The following PEX14 variants were observed in gnomAD, a reference collection of about 807,000 sequenced individuals.
PEX14 encodes peroxisomal membrane protein PEX14.
Under a neutral mutation model 49.5 loss-of-function variants are expected in PEX14, and 15 were observed. That is an observed-to-expected ratio of 0.30 (90% CI 0.20 to 0.47). The LOEUF is 0.47. PEX14 is among the 20% of genes least tolerant of loss of function. The pLI is 1.00. For synonymous variants in PEX14, 210 were observed against 212.7 expected (o/e 0.99, Z 0.11); for missense variants, 398 against 494.8 (o/e 0.80, Z 1.86).
chr1:10,491,091 ACTC>A (rs1641463039), intron 1 of PEX14, among the ~76,000 whole-genome samples: 1 of 146,602 alleles, frequency 6.8e-6, no homozygotes, highest in South Asian at 2.2e-4. Context: ...CTGGTCTTGA[ACTC>A]CTGACCAGGT....
chr1:10,511,005 T>A (rs1459086269), intron 2 of PEX14, among the ~76,000 whole-genome samples: 1 of 152,030 alleles, frequency 6.6e-6, no homozygotes, highest in Non-Finnish European at 1.5e-5. Context: ...GTAAAGACAA[T>A]GCTCACTCCC....
At chr1:10,601,046 G>C (rs1039060056) in intron 4 of PEX14, among the ~76,000 whole-genome samples, 9 of 152,188 alleles carry the variant, frequency 5.9e-5, no homozygotes, top group African/African-American at 2.2e-4. Flanking sequence ...CGGATCACTT[G>C]AGGTCAGGAG....
At chr1:10,570,006 C>T (rs1040279068) in intron 3 of PEX14, among the ~76,000 whole-genome samples, 2 of 151,916 alleles carry the variant, frequency 1.3e-5, no homozygotes, top group African/African-American at 2.4e-5. Context: ...TTTTTTAGAA[C>T]CTCGATAGTT....
chr1:10,475,095 T>G, intron 1 of PEX14, 93 bp downstream of exon 1: 1 of 1,272,160 alleles, frequency 7.9e-7, no homozygotes, highest in South Asian at 1.3e-5. Context: ...GGACCCCGAG[T>G]CTCCGAAGCT....
At chr1:10,549,253 G>C (rs1639266831) in intron 3 of PEX14, among the ~76,000 whole-genome samples, 1 of 152,168 alleles carries the variant, frequency 6.6e-6, no homozygotes, top group African/African-American at 2.4e-5. Context: ...GCTTTAAGCT[G>C]TAAGAAAAAT....
At chr1:10,554,186 C>T (rs1639418180) in intron 3 of PEX14, among the ~76,000 whole-genome samples, 1 of 151,240 alleles carries the variant, frequency 6.6e-6, no homozygotes, top group African/African-American at 2.4e-5. Context: ...CACCTGCAGT[C>T]CCAGCTACTT....
intron 1 of PEX14, among the ~76,000 whole-genome samples, chr1:10,487,735 G>A (rs1007158227): frequency 1.3e-5 from 2 of 151,252 alleles, no homozygotes; most frequent in Non-Finnish European, 2.9e-5. Flanking sequence ...TGCCCACCTC[G>A]GCCTCCCAAA....
At chr1:10,488,555 A>G (rs1056944422) in intron 1 of PEX14, among the ~76,000 whole-genome samples, 9 of 151,642 alleles carry the variant, frequency 5.9e-5, no homozygotes, top group African/African-American at 2.2e-4. Context: ...GCTGGAGTGC[A>G]GTGGCGTGAC....
intron 3 of PEX14, among the ~76,000 whole-genome samples, chr1:10,555,824 G>A (rs532822591): frequency 3.3e-5 from 5 of 152,282 alleles, no homozygotes; most frequent in East Asian, 3.9e-4. Flanking sequence ...ACCTGTGGCC[G>A]GGCGTTGCAT....
intron 3 of PEX14, among the ~76,000 whole-genome samples, chr1:10,541,416 A>G (rs1639007809): frequency 6.6e-6 from 1 of 152,244 alleles, no homozygotes; most frequent in South Asian, 2.1e-4. Context: ...CGCCTGCAGC[A>G]GCGTGGCATC....
chr1:10,622,450 G>C (rs149626567), intron 5 of PEX14, among the ~76,000 whole-genome samples: 4 of 152,294 alleles, frequency 2.6e-5, no homozygotes, highest in African/African-American at 9.6e-5. Context: ...GTTATCCCCT[G>C]GCGAGAGAAC....
At chr1:10,537,736 T>G (rs1638861107) in intron 3 of PEX14, among the ~76,000 whole-genome samples, 1 of 152,104 alleles carries the variant, frequency 6.6e-6, no homozygotes, top group Non-Finnish European at 1.5e-5. Flanking sequence ...TAGAGACAAA[T>G]GTCTCTGGTG....
chr1:10,595,298 C>T (rs775122069), intron 3 of PEX14, among the ~76,000 whole-genome samples: 2 of 152,152 alleles, frequency 1.3e-5, no homozygotes, highest in Non-Finnish European at 2.9e-5. Flanking sequence ...CAGAGTCAGC[C>T]CAGACCCTCT....
chr1:10,626,858 A>T (rs1312181062), intron 7 of PEX14, among the ~76,000 whole-genome samples: 1 of 152,204 alleles, frequency 6.6e-6, no homozygotes, highest in Non-Finnish European at 1.5e-5. Flanking sequence ...TTTGGAAAAC[A>T]GTGTTACCTT....
At chr1:10,587,546 G>A (rs566662220) in intron 3 of PEX14, among the ~76,000 whole-genome samples, 1 of 152,262 alleles carries the variant, frequency 6.6e-6, no homozygotes, top group East Asian at 1.9e-4. Context: ...GAGGGAATGT[G>A]AGTGGAAACA....
Position 10,489,268 on chromosome 1 carries a change from A to G in PEX14, c.37-6006A>G, listed in dbSNP as rs921150543. Among the ~76,000 whole-genome samples, 5 of 152,330 alleles carry G rather than the reference A, an allele frequency of 3.3e-5. No homozygotes were observed. The East Asian group carries it at 9.6e-4, about 29-fold the overall frequency. ...AGTGCTGGGATTACAGGCGTGAGCT[A>G]CCGTGCCTGGCCATGTGTTGAAATT... is the stretch of plus-strand genomic sequence containing the variant. On this transcript the variant is annotated intron_variant, in intron 1 of 8. Coordinates refer to ENST00000356607, the MANE Select transcript of PEX14 (RefSeq NM_004565.3).
At chr1:10,542,263 T>TAG (rs999454454) in intron 3 of PEX14, among the ~76,000 whole-genome samples, 1 of 152,162 alleles carries the variant, frequency 6.6e-6, no homozygotes, top group Non-Finnish European at 1.5e-5. Flanking sequence ...CCAGAGATAA[T>TAG]CTATCCACAT....
intron 3 of PEX14, among the ~76,000 whole-genome samples, chr1:10,540,204 G>A (rs185964677): frequency 6.6e-6 from 1 of 152,350 alleles, no homozygotes; most frequent in East Asian, 1.9e-4. Flanking sequence ...TGAACTTGAA[G>A]AAACCTGGCG....
intron 2 of PEX14, among the ~76,000 whole-genome samples, chr1:10,497,292 G>A (rs1463686967): frequency 2.6e-5 from 4 of 152,152 alleles, no homozygotes; most frequent in African/African-American, 9.7e-5. Flanking sequence ...GTGGCAGGGC[G>A]GGGGCACAAG....
Sources: allele counts gnomAD v4.1 joint callset (sites outside exome capture counted in the v4.1 genomes callset), GRCh38; gene constraint gnomAD v4.1.1; transcripts MANE v1.5; gene names NCBI Gene and HGNC (gene_info 2026-07-23, HGNC 2026-07-21).